The following RELN variants were observed in gnomAD, a reference collection of about 807,000 sequenced individuals.
RELN encodes the protein reelin.
RELN carries 108 observed loss-of-function variants against 427.6 expected under a neutral mutation model. The ratio of observed to expected loss-of-function variants is 0.25; its 90% CI spans 0.22 to 0.30. RELN has a LOEUF of 0.30. Among genes scored for constraint, RELN ranks in the 10% least tolerant of loss-of-function variants. The pLI is 1.00. For missense variants in RELN, 3,715 were observed against 4,302.8 expected, an observed-to-expected ratio of 0.86 and a Z score of 3.82; for synonymous variants, 1,524 against 1,513.4, an observed-to-expected ratio of 1.01 and a Z score of -0.16.
At chr7:103,791,319 G>A (rs1792156426) in intron 3 of RELN, among the ~76,000 whole-genome samples, 2 of 152,108 alleles carry the variant, frequency 1.3e-5, no homozygotes, top group African/African-American at 4.8e-5. Context: ...AAGAAAGCTG[G>A]AGGACTTGCA....
chr7:103,664,382 A>C (rs1415393045), intron 11 of RELN, among the ~76,000 whole-genome samples: 1 of 152,198 alleles, frequency 6.6e-6, no homozygotes, highest in African/African-American at 2.4e-5. Context: ...CCATTATATT[A>C]GTGAATTGCT....
intron 2 of RELN, among the ~76,000 whole-genome samples, chr7:103,857,966 A>G (rs1017247169): frequency 6.6e-6 from 1 of 152,034 alleles, no homozygotes; most frequent in African/African-American, 2.4e-5. Context: ...CCTATTTACA[A>G]CATAGTAATG....
rs362767 is a variant in RELN at position 103,547,772 on chromosome 7, T to C, written c.6303-2428A>G. On this transcript the variant is annotated intron_variant, in intron 41 of 64. Transcript: ENST00000428762. ...TCCTTTGAACAAAAGCCTACAAGGATTTTTTTTGAACTTCTTATTTATTCA... is the reference window on the plus strand; with the variant it reads ...TCCTTTGAACAAAAGCCTACAAGGACTTTTTTTGAACTTCTTATTTATTCA... 2.6e-3 allele frequency among the ~76,000 whole-genome samples: 399 copies of C among 152,194 alleles called. 2 individuals are homozygous for C. Among genetic ancestry groups the C allele is most frequent in the African/African-American group, 8.9e-3 (369 of 41,540 alleles).
chr7:103,559,156 G>A (rs1444525854), intron 36 of RELN, among the ~76,000 whole-genome samples: 1 of 152,170 alleles, frequency 6.6e-6, no homozygotes, highest in East Asian at 1.9e-4. Flanking sequence ...GAGAGGGAAA[G>A]TAACTTTCTC....
intron 2 of RELN, among the ~76,000 whole-genome samples, chr7:103,837,790 C>G (rs1335601071): frequency 2.0e-5 from 3 of 152,180 alleles, no homozygotes; most frequent in African/African-American, 7.2e-5. Flanking sequence ...GACCATCTCC[C>G]CAAGTTGTCC....
chr7:103,715,454 T>C (rs898464653), intron 8 of RELN, among the ~76,000 whole-genome samples: 8 of 152,206 alleles, frequency 5.3e-5, no homozygotes, highest in African/African-American at 1.7e-4. Flanking sequence ...CTATCAGACT[T>C]ACAAACCTTT....
intron 16 of RELN, among the ~76,000 whole-genome samples, chr7:103,642,188 A>T (rs79053871): frequency 0.026 from 3,948 of 152,234 alleles, 55 homozygotes; most frequent in Non-Finnish European, 0.036. Flanking sequence ...TAAGATTTTC[A>T]GGGTGATTTC....
chr7:103,748,988 G>A (rs2116062500), intron 6 of RELN, among the ~76,000 whole-genome samples: 1 of 152,226 alleles, frequency 6.6e-6, no homozygotes. Flanking sequence ...AAATCCCACA[G>A]AGTTACACTT....
chr7:103,797,431 G>A (rs1195536553), intron 3 of RELN, among the ~76,000 whole-genome samples: 1 of 152,122 alleles, frequency 6.6e-6, no homozygotes, highest in Non-Finnish European at 1.5e-5. Flanking sequence ...TGATGGAAAA[G>A]TTGCTAAGAT....
At chr7:103,865,219 T>C (rs780842263) in intron 2 of RELN, among the ~76,000 whole-genome samples, 3 of 150,510 alleles carry the variant, frequency 2.0e-5, no homozygotes, top group African/African-American at 4.9e-5. Flanking sequence ...AATAGGAAAT[T>C]TGAACAGAAC....
intron 36 of RELN, among the ~76,000 whole-genome samples, chr7:103,558,493 C>T (rs943508892): frequency 6.6e-6 from 1 of 152,118 alleles, no homozygotes; most frequent in Non-Finnish European, 1.5e-5. Flanking sequence ...CTTACTACTC[C>T]TTTGCTCACT....
Position 103,486,431 on chromosome 7 carries a change from G to GCAGT in RELN, c.9764-19_9764-16dup. On this transcript the variant is annotated splice_polypyrimidine_tract_variant and intron_variant, in intron 60 of 64. Coordinates refer to ENST00000428762, the MANE Select transcript of RELN (RefSeq NM_005045.4). ...GCAGTCATCACCTAGAGGACAAGGA[G>GCAGT]CAGTCACAGAAATTAAGTGGACCAA... is the stretch of plus-strand genomic sequence containing the variant. 6.2e-7 allele frequency: 1 copy of GCAGT among 1,600,426 alleles called. No homozygotes were observed. The highest frequency in any genetic ancestry group is 1.1e-5 in the South Asian group (1 of 90,766).
At chr7:103,630,617 T>G (rs115667204) in intron 19 of RELN, among the ~76,000 whole-genome samples, 1 of 152,088 alleles carries the variant, frequency 6.6e-6, no homozygotes, top group Non-Finnish European at 1.5e-5. Context: ...AAGAATAATA[T>G]CTAATTTCCA....
At chr7:103,884,265 T>C (rs963391987) in intron 2 of RELN, among the ~76,000 whole-genome samples, 1 of 152,144 alleles carries the variant, frequency 6.6e-6, no homozygotes, top group Non-Finnish European at 1.5e-5. Context: ...TCCTTACACC[T>C]TACACAAAAA....
chr7:103,963,084 G>A (rs1796593097), intron 1 of RELN, among the ~76,000 whole-genome samples: 3 of 151,446 alleles, frequency 2.0e-5, no homozygotes, highest in South Asian at 4.2e-4. Context: ...GGAAAGCCTC[G>A]AAACCAGGCT....
intron 17 of RELN, among the ~76,000 whole-genome samples, chr7:103,638,854 C>T (rs1361169614): frequency 6.6e-6 from 1 of 152,134 alleles, no homozygotes; most frequent in Admixed American, 6.5e-5. Context: ...TAGATGGTAG[C>T]CTTAATGAAA....
intron 50 of RELN, among the ~76,000 whole-genome samples, chr7:103,514,917 C>T (rs1302711881): frequency 6.6e-6 from 1 of 152,036 alleles, no homozygotes; most frequent in African/African-American, 2.4e-5. Flanking sequence ...ACAGGAAACA[C>T]TGAAAATTTT....
chr7:103,913,260 C>T (rs1467806559), intron 2 of RELN, among the ~76,000 whole-genome samples: 2 of 152,124 alleles, frequency 1.3e-5, no homozygotes, highest in Non-Finnish European at 2.9e-5. Context: ...GTAGCTGTAA[C>T]TTTAGTGTAA....
chr7:103,590,019 G>C (rs1457175402), intron 27 of RELN, among the ~76,000 whole-genome samples, 191 bp from the exon 28 acceptor site: 1 of 151,978 alleles, frequency 6.6e-6, no homozygotes, highest in African/African-American at 2.4e-5. Context: ...CAAACAATAG[G>C]TACTTTTTAC....
Sources: gnomAD v4.1 joint callset for allele counts (sites outside exome capture counted in the v4.1 genomes callset) on GRCh38, gnomAD v4.1.1 for gene constraint, MANE v1.5 for transcripts, NCBI Gene and HGNC (gene_info 2026-07-23, HGNC 2026-07-21) for gene names.